The following RARB variants were observed in gnomAD, a reference collection of about 807,000 sequenced individuals.
RARB encodes the protein retinoic acid receptor beta, also known as HBV-activated protein.
RARB carries 17 observed loss-of-function variants against 51.9 expected under a neutral mutation model. The observed-to-expected ratio is 0.33, with a 90% CI of 0.22 to 0.49. The LOEUF is 0.49. Among genes scored for constraint, RARB ranks in the 20% least tolerant of loss-of-function variants. RARB has a pLI of 0.99. For missense variants in RARB, 369 were observed against 550.8 expected (o/e 0.67, Z 3.30); for synonymous variants, 215 against 195.4 (o/e 1.10, Z -0.84).
chr3:24,918,376 A>T (rs1695148771), intron 2 of RARB, among the ~76,000 whole-genome samples: 1 of 152,204 alleles, frequency 6.6e-6, no homozygotes, highest in African/African-American at 2.4e-5. Context: ...CTATAGAGGC[A>T]AAGTAGATAT....
chr3:24,867,189 C>A (rs1421346911), intron 2 of RARB, among the ~76,000 whole-genome samples: 10 of 152,064 alleles, frequency 6.6e-5, no homozygotes, highest in Admixed American at 5.2e-4. Context: ...TTTCTCTCAT[C>A]CTCCTAGCCT....
chr3:25,532,699 AT>A (rs1373830538), intron 3 of RARB, among the ~76,000 whole-genome samples: 1 of 152,204 alleles, frequency 6.6e-6, no homozygotes, highest in Non-Finnish European at 1.5e-5. Flanking sequence ...CTCTCAAATT[AT>A]TATGAACATG....
At chr3:24,997,298 G>C (rs1451789326) in intron 2 of RARB, among the ~76,000 whole-genome samples, 1 of 151,584 alleles carries the variant, frequency 6.6e-6, no homozygotes. Context: ...TTTGGTTTCT[G>C]TTTGCATGGA....
chr3:25,342,764 T>C (rs1296163380), intron 5 of RARB, among the ~76,000 whole-genome samples: 1 of 152,146 alleles, frequency 6.6e-6, no homozygotes, highest in Non-Finnish European at 1.5e-5. Flanking sequence ...TTTCATGGTC[T>C]TTTTAATGAT....
At position 25,508,896 on chromosome 3, in the gene RARB, A is replaced by G. The variant is rs559911199; in HGVS notation, c.448+7573A>G. Among the ~76,000 whole-genome samples, 5 of 134,158 alleles carry G rather than the reference A, an allele frequency of 3.7e-5. No individual in the cohort carries two copies. The East Asian group carries it at 9.8e-4, about 26-fold the overall frequency. The allele number at this position is 134,158 out of a possible 152,430, so 88.0% of individuals were successfully genotyped here. On this transcript the variant is annotated intron_variant, in intron 3 of 7. Coordinates refer to ENST00000330688, the MANE Select transcript of RARB (RefSeq NM_000965.5). ...TGCCTGCATCTGTTTAGGAGATTTAAAAAAAAAAAAAATTATGTTTGGGTA... is the reference window on the plus strand; with the variant it reads ...TGCCTGCATCTGTTTAGGAGATTTAGAAAAAAAAAAAATTATGTTTGGGTA...
At chr3:25,197,976 G>C (rs1437088837) in intron 5 of RARB, among the ~76,000 whole-genome samples, 2 of 151,932 alleles carry the variant, frequency 1.3e-5, no homozygotes, top group East Asian at 1.9e-4. Flanking sequence ...AATAGCTAAA[G>C]CTATCCTGAG....
At chr3:25,387,368 C>T (rs956613098) in intron 5 of RARB, among the ~76,000 whole-genome samples, 4 of 152,006 alleles carry the variant, frequency 2.6e-5, no homozygotes, top group East Asian at 1.9e-4. Flanking sequence ...GAATTTTACC[C>T]AGATCACCCT....
rs546634126 is a variant in RARB, at chr3:25,463,766, A to G, written c.306+2425A>G. 1.2e-4 allele frequency among the ~76,000 whole-genome samples: 18 copies of G among 152,226 alleles called. No individual in the cohort carries two copies. In the East Asian group the frequency reaches 3.5e-3, roughly 29 times the overall value. ...TCAAACCATTTAAATAAACATATGT[A>G]TTATGGTTTATGAATATAATAAGGC... On this transcript the variant is annotated intron_variant, in intron 2 of 7. Transcript: ENST00000330688.
At chr3:25,106,467 TG>T (rs574886915) in intron 3 of RARB, among the ~76,000 whole-genome samples, 1,917 of 119,710 alleles carry the variant, frequency 0.016, 244 homozygotes, top group African/African-American at 0.018. Context: ...TGTTTTTTTT[TG>T]TTTTGTTTTT....
intron 2 of RARB, among the ~76,000 whole-genome samples, chr3:24,914,351 G>A (rs1695062454): frequency 6.6e-6 from 1 of 152,264 alleles, no homozygotes; most frequent in East Asian, 1.9e-4. Flanking sequence ...GCTTTTAAAG[G>A]TGGGGATTGC....
intron 2 of RARB, among the ~76,000 whole-genome samples, chr3:25,034,264 C>A (rs776045661): frequency 6.6e-6 from 1 of 152,098 alleles, no homozygotes; most frequent in Non-Finnish European, 1.5e-5. Flanking sequence ...GAGTCAAGAT[C>A]GCACCACTGC....
intron 4 of RARB, among the ~76,000 whole-genome samples, chr3:25,163,854 G>T (rs1700517510): frequency 6.6e-6 from 1 of 152,160 alleles, no homozygotes; most frequent in African/African-American, 2.4e-5. Flanking sequence ...AGGAGGTAAA[G>T]GTAGTGGGGA....
chr3:24,885,180 G>A (rs993837848), intron 2 of RARB, among the ~76,000 whole-genome samples: 1 of 152,098 alleles, frequency 6.6e-6, no homozygotes, highest in Non-Finnish European at 1.5e-5. Flanking sequence ...AAGCAAAGAG[G>A]AGTTCGACTC....
At chr3:25,577,225 A>G (rs186810779) in intron 4 of RARB, among the ~76,000 whole-genome samples, 2 of 152,148 alleles carry the variant, frequency 1.3e-5, no homozygotes, top group Non-Finnish European at 2.9e-5. Flanking sequence ...ATCTTGCACA[A>G]ATGATTGCAC....
At chr3:24,906,844 CAAA>C (rs397875286) in intron 2 of RARB, among the ~76,000 whole-genome samples, 6,175 of 75,948 alleles carry the variant, frequency 0.081, 136 homozygotes, top group Middle Eastern at 0.19. Flanking sequence ...GATTCCGTCT[CAAA>C]AAAAAAAAAA....
intron 2 of RARB, among the ~76,000 whole-genome samples, chr3:24,860,105 T>A (rs1427451492): frequency 6.6e-6 from 1 of 152,166 alleles, no homozygotes; most frequent in Non-Finnish European, 1.5e-5. Context: ...ATTATGTTCA[T>A]GTTAAACTAA....
intron 2 of RARB, among the ~76,000 whole-genome samples, chr3:25,037,961 T>G (rs976913199): frequency 7.2e-5 from 11 of 152,206 alleles, no homozygotes; most frequent in Non-Finnish European, 1.3e-4. Flanking sequence ...ATTGTCATGT[T>G]TAAACCCCCT....
chr3:24,972,328 T>C (rs1419942877), intron 2 of RARB, among the ~76,000 whole-genome samples: 1 of 152,112 alleles, frequency 6.6e-6, no homozygotes, highest in Non-Finnish European at 1.5e-5. Context: ...TTCCTTCTTT[T>C]TGTGGCTGAA....
intron 3 of RARB, among the ~76,000 whole-genome samples, chr3:25,563,947 CTTTTTTTT>C (rs58611383): frequency 7.3e-6 from 1 of 137,010 alleles, no homozygotes; most frequent in African/African-American, 2.7e-5. Flanking sequence ...TTGTATTTTC[CTTTTTTTT>C]TTTTTTTTTG....
Sources: allele counts gnomAD v4.1 joint callset (sites outside exome capture counted in the v4.1 genomes callset), GRCh38; gene constraint gnomAD v4.1.1; transcripts MANE v1.5; gene names NCBI Gene and HGNC (gene_info 2026-07-23, HGNC 2026-07-21).